ANXA1: variants seen among roughly 807,000 people sequenced by gnomAD.
ANXA1 encodes the protein annexin A1.
ANXA1 carries 39 observed loss-of-function variants against 47.9 expected under a neutral mutation model. That is an observed-to-expected ratio of 0.81 (90% CI 0.63 to 1.06). ANXA1 has a LOEUF of 1.06. Ranked by LOEUF, ANXA1 falls within the 50% of genes least tolerant of loss-of-function variation. The pLI is 0.00. For synonymous variants in ANXA1, 146 were observed against 142.5 expected (o/e 1.02, Z -0.17); for missense variants, 446 against 422.7 (o/e 1.06, Z -0.48).
rs778210865 is a variant in ANXA1, at chr9:73,166,080, T to A, written c.707-17T>A. ...AAGGATGTTTTGCATGTATCTTAGT[T>A]TGAATTTAATATTCAGTGTTTCAGA... On this transcript the variant is annotated splice_polypyrimidine_tract_variant and intron_variant, in intron 9 of 12. Transcript: ENST00000257497. 4 of 1,576,286 alleles carry A rather than the reference T, an allele frequency of 2.5e-6. No individual in the cohort carries two copies. The South Asian group carries it at 4.6e-5, about 18-fold the overall frequency.
intron 11 of ANXA1, chr9:73,168,614 G>C (rs1450373284): frequency 6.4e-6 from 1 of 155,494 alleles, no homozygotes; most frequent in African/African-American, 2.4e-5. Flanking sequence ...AATTAGGCAG[G>C]ATATTGTAAG....
intron 3 of ANXA1, 52 bp from the exon 4 acceptor site, chr9:73,159,277 A>C: frequency 7.3e-7 from 1 of 1,368,006 alleles, no homozygotes; most frequent in Non-Finnish European, 1.0e-6. Flanking sequence ...ATTTTATGTC[A>C]ATTGATGATG....
intron 11 of ANXA1, 143 bp from the exon 12 acceptor site, chr9:73,168,889 G>GTGTGTA (rs1038657709): frequency 1.8e-5 from 11 of 621,356 alleles, no homozygotes; most frequent in Non-Finnish European, 2.5e-5. Flanking sequence ...AGGTGTGTGT[G>GTGTGTA]TGTGTGTGTG....
intron 11 of ANXA1, 91 bp from the exon 12 acceptor site, chr9:73,168,941 G>T: frequency 3.4e-5 from 38 of 1,128,752 alleles, no homozygotes; most frequent in Non-Finnish European, 3.5e-5. Context: ...GAAATTATAT[G>T]GAAGAGTAAG....
chr9:73,166,282 C>A, intron 10 of ANXA1, 90 bp downstream of exon 10: 1 of 910,294 alleles, frequency 1.1e-6, no homozygotes, highest in Non-Finnish European at 1.6e-6. Context: ...AGCAACAAAA[C>A]CAATAAAAGA....
At chr9:73,156,710 G>A (rs1272880674) in intron 1 of ANXA1, among the ~76,000 whole-genome samples, 1 of 152,150 alleles carries the variant, frequency 6.6e-6, no homozygotes, top group Non-Finnish European at 1.5e-5. Context: ...ATCAGTTTAT[G>A]GAATCAGTTT....
intron 8 of ANXA1, among the ~76,000 whole-genome samples, chr9:73,163,993 A>C (rs943453412): frequency 1.3e-4 from 20 of 152,304 alleles, no homozygotes; most frequent in African/African-American, 4.8e-4. Context: ...AGGATAAATT[A>C]TAATAATATA....
At chr9:73,164,088 A>G (rs1403181034) in intron 8 of ANXA1, among the ~76,000 whole-genome samples, 4 of 152,136 alleles carry the variant, frequency 2.6e-5, no homozygotes, top group Non-Finnish European at 5.9e-5. Context: ...AAGAAAAATC[A>G]TATCATTTTA....
chr9:73,161,816 T>G (rs181678000), intron 6 of ANXA1, among the ~76,000 whole-genome samples: 1 of 152,170 alleles, frequency 6.6e-6, no homozygotes, highest in African/African-American at 2.4e-5. Context: ...TAAAAATAAG[T>G]GTTTATATAT....
At chr9:73,167,921 G>A (rs910407714) in intron 11 of ANXA1, 3 of 185,222 alleles carry the variant, frequency 1.6e-5, no homozygotes, top group South Asian at 1.5e-4. Flanking sequence ...AGTCTGATTT[G>A]TTGTTTTTAT....
intron 5 of ANXA1, 55 bp from the exon 6 acceptor site, chr9:73,160,748 C>A: frequency 1.5e-6 from 2 of 1,361,806 alleles, no homozygotes; most frequent in South Asian, 1.2e-5. Context: ...ACTCATTGAT[C>A]CTCTTGCATG....
intron 5 of ANXA1, 83 bp from the exon 6 acceptor site, chr9:73,160,720 A>T: frequency 1.0e-6 from 1 of 1,001,158 alleles, no homozygotes; most frequent in East Asian, 2.4e-5. Flanking sequence ...GAGTCAAACA[A>T]ATTTTGGAAC....
chr9:73,159,537 C>A, intron 4 of ANXA1, 114 bp downstream of exon 4: 2 of 781,028 alleles, frequency 2.6e-6, no homozygotes, highest in Non-Finnish European at 4.0e-6. Context: ...TTTCTCATTA[C>A]ATCTATGATT....
At chr9:73,156,649 CT>C (rs1824052945) in intron 1 of ANXA1, among the ~76,000 whole-genome samples, 1 of 152,140 alleles carries the variant, frequency 6.6e-6, no homozygotes, top group African/African-American at 2.4e-5. Flanking sequence ...ACTCCAGTTA[CT>C]TTTTAGCAGG....
intron 7 of ANXA1, 115 bp downstream of exon 7, chr9:73,162,976 G>A (rs1046131747): frequency 8.2e-6 from 7 of 850,232 alleles, no homozygotes; most frequent in Non-Finnish European, 1.3e-5. Flanking sequence ...AAGATAAAAA[G>A]GTTTATTTGG....
Position 73,159,315 on chromosome 9 carries a change from C to T in ANXA1, c.176-14C>T. The T allele has an allele frequency of 1.2e-6, 2 of 1,607,900 alleles. No homozygotes were observed. Among genetic ancestry groups the T allele is most frequent in the Non-Finnish European group, 1.7e-6 (2 of 1,174,926 alleles). ...GAAAATTGGTGTTAAAGGCTGTTGG[C>T]CCTTTATTTCCAGGTGTGGATGAAG... On this transcript the variant is annotated splice_polypyrimidine_tract_variant and intron_variant, in intron 3 of 12. Coordinates refer to ENST00000257497, the MANE Select transcript of ANXA1 (RefSeq NM_000700.3).
At chr9:73,168,774 T>C (rs1824274469) in intron 11 of ANXA1, 1 of 289,772 alleles carries the variant, frequency 3.5e-6, no homozygotes, top group South Asian at 6.3e-5. Context: ...TATTGGACAG[T>C]GTAGAGACCG....
rs1291324409 is a variant in ANXA1, at chr9:73,167,643, C to T, written c.861+88C>T. ...AACCTCATGTTGTTTGAAAATCTCA[C>T]ATTTAATATCTTCCCATTAATGAGA... On this transcript the variant is annotated intron_variant, in intron 11 of 12. Transcript: ENST00000257497. The T allele has an allele frequency of 3.5e-6, 4 of 1,155,990 alleles. 1 individual carries two copies. The South Asian group carries it at 4.1e-5, about 12-fold the overall frequency. 71.6% of individuals were successfully genotyped at this position (1,155,990 alleles called of 1,614,324 possible).
chr9:73,156,441 G>A (rs949314147), intron 1 of ANXA1, among the ~76,000 whole-genome samples: 9 of 152,072 alleles, frequency 5.9e-5, no homozygotes, highest in Admixed American at 2.0e-4. Context: ...GCAAAATTGC[G>A]GGTTGTTACT....
Sources: allele counts gnomAD v4.1 joint callset (sites outside exome capture counted in the v4.1 genomes callset), GRCh38; gene constraint gnomAD v4.1.1; transcripts MANE v1.5; gene names NCBI Gene and HGNC (gene_info 2026-07-23, HGNC 2026-07-21).